NT5E: variants seen among roughly 807,000 people sequenced by gnomAD.
The protein encoded by NT5E is 5'-nucleotidase ecto, also known as 5'-nucleotidase.
NT5E carries 53 observed loss-of-function variants against 55.1 expected under a neutral mutation model. The observed-to-expected ratio is 0.96, with a 90% CI of 0.77 to 1.21. The LOEUF (loss-of-function observed/expected upper bound fraction) is 1.21, where lower values mean the gene tolerates loss of function less well. Among genes scored for constraint, NT5E ranks in the 50% most tolerant of loss-of-function variants. The pLI is 0.00. For synonymous variants in NT5E, 270 were observed against 278.4 expected, an observed-to-expected ratio of 0.97 and a Z score of 0.30; for missense variants, 683 against 724.3, an observed-to-expected ratio of 0.94 and a Z score of 0.65.
At chr6:85,475,507 C>A in intron 3 of NT5E, among the ~76,000 whole-genome samples, 1 of 152,310 alleles carries the variant, frequency 6.6e-6, no homozygotes, top group South Asian at 2.1e-4. Context: ...ACAAGGCTTA[C>A]AAAATGATAA....
intron 3 of NT5E, among the ~76,000 whole-genome samples, chr6:85,483,307 A>C (rs912835431): frequency 1.3e-5 from 2 of 152,244 alleles, no homozygotes; most frequent in African/African-American, 4.8e-5. Flanking sequence ...CCGCCCCAGC[A>C]TCTATGATCA....
At chr6:85,477,627 C>A (rs1053838734) in intron 3 of NT5E, among the ~76,000 whole-genome samples, 6 of 152,170 alleles carry the variant, frequency 3.9e-5, no homozygotes, top group African/African-American at 1.4e-4. Context: ...TTGGTGTTTA[C>A]AATCATTATT....
rs145759472 is a variant in NT5E, at chr6:85,451,134, G to A, written c.339+656G>A. Among the ~76,000 whole-genome samples, 213 of 152,294 alleles carry A rather than the reference G, an allele frequency of 1.4e-3. 2 individuals carry two copies. The highest frequency in any genetic ancestry group is 4.4e-3 in the African/African-American group (182 of 41,542). ...ATTATAATTGTACATAGTGCACATA[G>A]TGTGGTCTCTATATTATTACCAGAC... On this transcript the variant is annotated intron_variant, in intron 1 of 8. Coordinates refer to ENST00000257770, the MANE Select transcript of NT5E (RefSeq NM_002526.4).
rs150295249 is a variant in NT5E at position 85,485,013 on chromosome 6, TG to T, written c.752-220del. 6.9e-3 allele frequency among the ~76,000 whole-genome samples: 1,047 copies of T among 152,298 alleles called. 15 individuals carry two copies. Among genetic ancestry groups the T allele is most frequent in the African/African-American group, 0.024 (999 of 41,568 alleles). On this transcript the variant is annotated intron_variant, in intron 3 of 8. Transcript: ENST00000257770. The stretch of plus-strand genomic sequence containing the variant: ...CAATGCCCGGGTCTTAGGAAGAGCT[TG>T]GTAAATGACTGCTGAGTTGAGAATG...
chr6:85,464,794 G>A (rs989991053), intron 1 of NT5E, among the ~76,000 whole-genome samples: 2 of 152,198 alleles, frequency 1.3e-5, no homozygotes, highest in East Asian at 3.8e-4. Flanking sequence ...ATGGAAACTG[G>A]AGCATTTAGG....
chr6:85,489,290 TAA>T (rs1321999161), intron 5 of NT5E, among the ~76,000 whole-genome samples: 5 of 151,968 alleles, frequency 3.3e-5, no homozygotes, highest in Non-Finnish European at 7.4e-5. Context: ...GAGGGGGAAA[TAA>T]GAGTTTGACA....
chr6:85,477,857 A>G (rs554302422), intron 3 of NT5E, among the ~76,000 whole-genome samples: 1 of 152,168 alleles, frequency 6.6e-6, no homozygotes, highest in East Asian at 1.9e-4. Context: ...CTTCAAAGGT[A>G]ATTTCCTGAC....
rs187119905 is a variant in NT5E at position 85,454,268 on chromosome 6, C to G, written c.339+3790C>G. ...CTTTGAGTACTACAAGACTGGTTTCCTCAATGACTGACATCCTCCATTCTC... is the reference window on the plus strand; with the variant it reads ...CTTTGAGTACTACAAGACTGGTTTCGTCAATGACTGACATCCTCCATTCTC... On this transcript the variant is annotated intron_variant, in intron 1 of 8. Transcript: ENST00000257770. 2.7e-3 allele frequency among the ~76,000 whole-genome samples: 416 copies of G among 152,344 alleles called. 1 individual carries two copies. Among genetic ancestry groups the G allele is most frequent in the African/African-American group, 9.6e-3 (398 of 41,582 alleles).
intron 1 of NT5E, among the ~76,000 whole-genome samples, chr6:85,451,519 A>T (rs1768857187): frequency 6.6e-6 from 1 of 152,198 alleles, no homozygotes; most frequent in African/African-American, 2.4e-5. Context: ...AAAAAAAAAT[A>T]AAACCACCAC....
chr6:85,490,952 T>C, intron 7 of NT5E: 1 of 522,538 alleles, frequency 1.9e-6, no homozygotes, highest in East Asian at 4.5e-5. Context: ...TAGTTTCTAA[T>C]AAAATCTTAT....
At chr6:85,485,540 T>G (rs1769635637) in intron 4 of NT5E, 108 bp downstream of exon 4, 1 of 1,098,282 alleles carries the variant, frequency 9.1e-7, no homozygotes, top group Admixed American at 1.8e-5. Flanking sequence ...ACTATAATAC[T>G]GTTGAAGAAT....
chr6:85,453,994 T>C (rs965768703), intron 1 of NT5E, among the ~76,000 whole-genome samples: 3 of 152,212 alleles, frequency 2.0e-5, no homozygotes, highest in Admixed American at 2.0e-4. Flanking sequence ...CTTACTTTTG[T>C]CCTGAACTTA....
chr6:85,465,038 G>A (rs1582373013), intron 1 of NT5E, among the ~76,000 whole-genome samples: 1 of 152,216 alleles, frequency 6.6e-6, no homozygotes, highest in Admixed American at 6.5e-5. Flanking sequence ...AGAAAAGTCA[G>A]GGCTGGAGAT....
rs530780057 is a variant in NT5E, at chr6:85,485,029, A to T, written c.752-206A>T. On this transcript the variant is annotated intron_variant, in intron 3 of 8. Transcript: ENST00000257770. The stretch of plus-strand genomic sequence containing the variant: ...GGAAGAGCTTGGTAAATGACTGCTG[A>T]GTTGAGAATGGTAGGATTCATGTAC... 2.6e-5 allele frequency among the ~76,000 whole-genome samples: 4 copies of T among 152,332 alleles called. No homozygotes were observed. The South Asian group carries it at 8.3e-4, about 32-fold the overall frequency.
intron 3 of NT5E, among the ~76,000 whole-genome samples, chr6:85,472,620 A>G (rs1769338844): frequency 6.6e-6 from 1 of 152,198 alleles, no homozygotes; most frequent in South Asian, 2.1e-4. Context: ...TACTGTGAAA[A>G]TTATATGAGA....
chr6:85,471,183 GTAATATAA>G, intron 2 of NT5E, 46 bp from the exon 3 acceptor site: 1 of 1,219,110 alleles, frequency 8.2e-7, no homozygotes, highest in Non-Finnish European at 1.2e-6. Context: ...TGTATATTAA[GTAATATAA>G]TAAAAATTGT....
intron 1 of NT5E, among the ~76,000 whole-genome samples, chr6:85,451,181 T>C (rs1243585892): frequency 1.3e-5 from 2 of 152,110 alleles, no homozygotes; most frequent in Non-Finnish European, 2.9e-5. Context: ...TGTCTATATA[T>C]GTTGTTATTA....
rs1362176241 is a variant in NT5E, at chr6:85,495,116, C to G, written c.*1112C>G. 1 of 152,196 alleles carries G rather than the reference C, an allele frequency of 6.6e-6. No individual in the cohort carries two copies. Among genetic ancestry groups the G allele is most frequent in the Non-Finnish European group, 1.5e-5 (1 of 68,058 alleles). 9.4% of individuals were successfully genotyped at this position (152,196 alleles called of 1,614,324 possible). A position where few individuals can be genotyped will look rare whatever the true frequency, so the allele number is the denominator to read the frequency against. Reference sequence around the variant, plus strand: ...ACTACACACCCAGTTATGGAATGTCCAGAGTTCTCGAAGAAAATAAATGAC... The same window carrying G: ...ACTACACACCCAGTTATGGAATGTCGAGAGTTCTCGAAGAAAATAAATGAC... On this transcript the variant is annotated 3_prime_UTR_variant, in exon 9 of 9. Transcript: ENST00000257770.
In NT5E at chr6:85,494,958, C is replaced by T. The variant is rs980742481; in HGVS notation, c.*954C>T. ...TAGCTGTTATTTTATGAGATTCCATCAGCTCTGCCTCTGTCCTCTTTCTTC... is the reference window on the plus strand; with the variant it reads ...TAGCTGTTATTTTATGAGATTCCATTAGCTCTGCCTCTGTCCTCTTTCTTC... On this transcript the variant is annotated 3_prime_UTR_variant, in exon 9 of 9. Transcript: ENST00000257770. 1.3e-5 allele frequency: 2 copies of T among 152,234 alleles called. No individual in the cohort carries two copies. Among genetic ancestry groups the T allele is most frequent in the African/African-American group, 4.8e-5 (2 of 41,464 alleles). The allele number at this position is 152,234 out of a possible 1,614,324, so 9.4% of individuals were successfully genotyped here.
Sources: gnomAD v4.1 joint callset for allele counts (sites outside exome capture counted in the v4.1 genomes callset) on GRCh38, gnomAD v4.1.1 for gene constraint, MANE v1.5 for transcripts, NCBI Gene and HGNC (gene_info 2026-07-23, HGNC 2026-07-21) for gene names.